Variants in MELK observed in about 807,000 individuals in gnomAD.
MELK encodes the protein maternal embryonic leucine zipper kinase.
A neutral mutation model predicts 85.0 loss-of-function variants in MELK; 81 were observed. That is an observed-to-expected ratio of 0.95 (90% CI 0.80 to 1.15). The LOEUF (loss-of-function observed/expected upper bound fraction) is 1.15. Ranked by LOEUF, MELK falls within the 50% of genes most tolerant of loss-of-function variation. The pLI is 0.00. For missense variants in MELK, 754 were observed against 777.5 expected, an observed-to-expected ratio of 0.97 and a Z score of 0.36; for synonymous variants, 252 against 265.0, an observed-to-expected ratio of 0.95 and a Z score of 0.48.
chr9:36,676,650 ATCTC>A (rs1280538337), intron 17 of MELK, among the ~76,000 whole-genome samples: 6 of 152,182 alleles, frequency 3.9e-5, no homozygotes, highest in Non-Finnish European at 1.5e-5. Flanking sequence ...ATAAGAGGTT[ATCTC>A]TCATTACTAA....
intron 7 of MELK, among the ~76,000 whole-genome samples, chr9:36,601,812 A>C (rs1340397630): frequency 6.6e-6 from 1 of 152,208 alleles, no homozygotes; most frequent in East Asian, 1.9e-4. Flanking sequence ...TGTAAATGGA[A>C]TCATACAATA....
At chr9:36,666,853 TTGTG>T (rs5897643) in intron 14 of MELK, among the ~76,000 whole-genome samples, 1,532 of 130,802 alleles carry the variant, frequency 0.012, 19 homozygotes, top group African/African-American at 0.022. Context: ...ATGTCTGTGT[TTGTG>T]TGTGTGTGTG....
chr9:36,608,571 C>T (rs1485340729), intron 8 of MELK, among the ~76,000 whole-genome samples: 2 of 151,442 alleles, frequency 1.3e-5, no homozygotes, highest in Non-Finnish European at 2.9e-5. Context: ...TGTACTCTTA[C>T]GTTATACAAA....
chr9:36,633,261 C>G, intron 10 of MELK, 61 bp downstream of exon 10: 1 of 1,130,616 alleles, frequency 8.8e-7, no homozygotes. Flanking sequence ...TGGGTGAATT[C>G]AGAACCTACA....
intron 17 of MELK, among the ~76,000 whole-genome samples, chr9:36,675,315 C>T (rs1030758424): frequency 6.6e-6 from 1 of 152,144 alleles, no homozygotes; most frequent in Non-Finnish European, 1.5e-5. Context: ...TTGATCTCCT[C>T]ACCCCTGTGC....
At chr9:36,623,434 G>C (rs7019755) in intron 8 of MELK, among the ~76,000 whole-genome samples, 5,229 of 152,246 alleles carry the variant, frequency 0.034, 288 homozygotes, top group African/African-American at 0.12. Flanking sequence ...CTCTATTTTG[G>C]CCAGTATTTC....
chr9:36,614,540 A>C (rs1826383581), intron 8 of MELK, among the ~76,000 whole-genome samples: 1 of 124,118 alleles, frequency 8.1e-6, no homozygotes, highest in Non-Finnish European at 1.6e-5. Context: ...GCAGATAAAC[A>C]AGTGAACAAA....
At chr9:36,625,898 A>T (rs1439901781) in intron 8 of MELK, among the ~76,000 whole-genome samples, 1 of 151,888 alleles carries the variant, frequency 6.6e-6, no homozygotes, top group African/African-American at 2.4e-5. Flanking sequence ...TTCATCTCAA[A>T]AAAAAAAAGA....
chr9:36,672,573 A>G (rs1832981486), intron 16 of MELK, among the ~76,000 whole-genome samples: 1 of 152,230 alleles, frequency 6.6e-6, no homozygotes, highest in African/African-American at 2.4e-5. Flanking sequence ...GAGAAAAACC[A>G]CAGGATTGGG....
chr9:36,627,917 T>C (rs895572963), intron 8 of MELK, among the ~76,000 whole-genome samples: 18 of 149,868 alleles, frequency 1.2e-4, no homozygotes, highest in Admixed American at 1.1e-3. Context: ...TGTTTTGTTT[T>C]TGAGACGGAG....
At chr9:36,631,153 G>A (rs187597719) in intron 9 of MELK, among the ~76,000 whole-genome samples, 1 of 148,056 alleles carries the variant, frequency 6.8e-6, no homozygotes, top group Admixed American at 6.7e-5. Flanking sequence ...TAGTAGAGAC[G>A]AGGTTTCACT....
At chr9:36,583,537 C>T (rs1314179818) in intron 2 of MELK, 90 bp from the exon 3 acceptor site, 18 of 742,520 alleles carry the variant, frequency 2.4e-5, no homozygotes, top group Non-Finnish European at 3.6e-5. Context: ...GAAAATTTGG[C>T]TTGATAGAGT....
At chr9:36,619,712 T>G (rs1827213018) in intron 8 of MELK, among the ~76,000 whole-genome samples, 1 of 152,210 alleles carries the variant, frequency 6.6e-6, no homozygotes, top group Non-Finnish European at 1.5e-5. Context: ...TCTAAGTGTC[T>G]GTAGGTGTCC....
intron 3 of MELK, among the ~76,000 whole-genome samples, chr9:36,584,665 A>G (rs562676161): frequency 6.6e-6 from 1 of 151,490 alleles, no homozygotes; most frequent in South Asian, 2.1e-4. Context: ...CTCTTACTAA[A>G]TATAAATCAT....
intron 3 of MELK, among the ~76,000 whole-genome samples, chr9:36,586,569 AT>A (rs1413779541): frequency 1.3e-5 from 2 of 152,240 alleles, no homozygotes; most frequent in African/African-American, 4.8e-5. Context: ...CATTAAAACC[AT>A]TTTTCTTGAG....
chr9:36,602,091 G>T (rs1344052734), intron 7 of MELK, among the ~76,000 whole-genome samples: 1 of 152,140 alleles, frequency 6.6e-6, no homozygotes, highest in African/African-American at 2.4e-5. Context: ...ATATTCAGAA[G>T]CGGAGTTGCT....
chr9:36,625,799 T>C (rs1052674857), intron 8 of MELK, among the ~76,000 whole-genome samples: 10 of 151,708 alleles, frequency 6.6e-5, no homozygotes, highest in African/African-American at 2.4e-4. Flanking sequence ...TGCATGTCTG[T>C]AATCCCAGCT....
At chr9:36,580,117 G>A (rs1440826578) in intron 1 of MELK, among the ~76,000 whole-genome samples, 3 of 145,946 alleles carry the variant, frequency 2.1e-5, no homozygotes, top group African/African-American at 5.1e-5. Context: ...GCGTGATCTC[G>A]GCTCACTGCA....
intron 15 of MELK, 37 bp from the exon 16 acceptor site, chr9:36,670,961 C>T (rs1410201091): frequency 1.3e-6 from 2 of 1,573,068 alleles, no homozygotes; most frequent in Non-Finnish European, 1.7e-6. Context: ...GCCGGAGGCC[C>T]AGCTCTACTT....
Sources: allele counts gnomAD v4.1 joint callset (sites outside exome capture counted in the v4.1 genomes callset), GRCh38; gene constraint gnomAD v4.1.1; transcripts MANE v1.5; gene names NCBI Gene and HGNC (gene_info 2026-07-23, HGNC 2026-07-21).